Variants in DPYD observed in about 807,000 individuals in gnomAD.
DPYD encodes dihydropyrimidine dehydrogenase [NADP(+)].
Under a neutral mutation model 116.2 loss-of-function variants are expected in DPYD, and 109 were observed. The ratio of observed to expected loss-of-function variants is 0.94; its 90% CI spans 0.80 to 1.10. The LOEUF (loss-of-function observed/expected upper bound fraction) is 1.10. Ranked by LOEUF, DPYD falls within the 50% of genes least tolerant of loss-of-function variation. The probability of loss-of-function intolerance (pLI) is 0.00; values close to 1 mark genes in which losing one functional copy is unlikely to be tolerated. For missense variants in DPYD, 1,302 were observed against 1,254.5 expected (o/e 1.04, Z -0.57); for synonymous variants, 440 against 432.0 (o/e 1.02, Z -0.23).
intron 16 of DPYD, among the ~76,000 whole-genome samples, chr1:97,361,706 T>G (rs575547475): frequency 6.6e-6 from 1 of 152,248 alleles, no homozygotes; most frequent in East Asian, 1.9e-4. Context: ...ACAAAAACCA[T>G]ATGATTATCT....
rs1000949498 is a variant in DPYD, at chr1:97,788,556, C to T, written c.233+39558G>A. Among the ~76,000 whole-genome samples, 12 of 152,142 alleles carry T rather than the reference C, an allele frequency of 7.9e-5. 1 individual carries two copies. Among genetic ancestry groups the T allele is most frequent in the African/African-American group, 2.7e-4 (11 of 41,418 alleles). ...CTACCCACTGAGTCCAGCCAATTGA[C>T]ACAATTGCAAAAAATTATAAGTTGT... is the stretch of plus-strand genomic sequence containing the variant. On this transcript the variant is annotated intron_variant, in intron 3 of 22. Transcript: ENST00000370192.
intron 2 of DPYD, among the ~76,000 whole-genome samples, chr1:97,875,096 A>G (rs1372569836): frequency 6.6e-6 from 1 of 151,964 alleles, no homozygotes; most frequent in Non-Finnish European, 1.5e-5. Flanking sequence ...TATGTTATAC[A>G]TTTGAGTCTT....
chr1:97,398,788 G>C (rs544477143), intron 14 of DPYD, among the ~76,000 whole-genome samples: 121 of 152,052 alleles, frequency 8.0e-4, no homozygotes, highest in Non-Finnish European at 1.5e-3. Flanking sequence ...CTTTTTGATG[G>C]GGTTGTTTGT....
At chr1:97,480,750 G>A (rs948468343) in intron 13 of DPYD, among the ~76,000 whole-genome samples, 1 of 152,190 alleles carries the variant, frequency 6.6e-6, no homozygotes, top group African/African-American at 2.4e-5. Flanking sequence ...GGAGGCCGAG[G>A]CATGCAGATC....
chr1:97,616,797 G>T (rs899211108), intron 8 of DPYD, among the ~76,000 whole-genome samples: 1 of 152,150 alleles, frequency 6.6e-6, no homozygotes, highest in Non-Finnish European at 1.5e-5. Context: ...TGTACAAAAA[G>T]AAAACTTGAA....
chr1:97,178,794 T>C (rs1311063281), intron 20 of DPYD, among the ~76,000 whole-genome samples: 4 of 152,292 alleles, frequency 2.6e-5, no homozygotes, highest in African/African-American at 9.6e-5. Flanking sequence ...AATAGACCCT[T>C]AAATCTTAGT....
chr1:97,326,972 G>A (rs1288804851), intron 16 of DPYD, among the ~76,000 whole-genome samples: 1 of 151,980 alleles, frequency 6.6e-6, no homozygotes, highest in African/African-American at 2.4e-5. Context: ...TAAAGATAAA[G>A]AGATTATAAG....
intron 12 of DPYD, among the ~76,000 whole-genome samples, chr1:97,536,901 C>T (rs1320286238): frequency 1.3e-5 from 2 of 152,170 alleles, no homozygotes; most frequent in African/African-American, 2.4e-5. Flanking sequence ...TGCCTCAAAA[C>T]CTGCAAAGGG....
At chr1:97,721,004 C>T (rs1270514704) in intron 5 of DPYD, 14 of 1,548,646 alleles carry the variant, frequency 9.0e-6, no homozygotes, top group Middle Eastern at 2.2e-4. Context: ...GACCTGCTTC[C>T]AATCTATAAG....
chr1:97,187,807 G>A (rs574153134), intron 20 of DPYD, among the ~76,000 whole-genome samples: 1 of 152,172 alleles, frequency 6.6e-6, no homozygotes, highest in South Asian at 2.1e-4. Context: ...AATCATCCCA[G>A]CACTATTTAT....
rs556610914 is a variant in DPYD, at chr1:97,642,195, C to T, written c.850+36900G>A. On this transcript the variant is annotated intron_variant, in intron 8 of 22. Transcript: ENST00000370192. ...GAGCCCAAAGTTTACAGATTCAGTG[C>T]GATCCTCATCAAGCTACCATTGACT... is the stretch of plus-strand genomic sequence containing the variant. Among the ~76,000 whole-genome samples the T allele has an allele frequency of 7.1e-4, 108 of 151,962 alleles. 1 individual carries two copies. In the South Asian group the frequency reaches 0.011, roughly 16 times the overall value.
At chr1:97,206,646 A>ATGTATGTG (rs10651231) in intron 19 of DPYD, among the ~76,000 whole-genome samples, 1 of 42,032 alleles carries the variant, frequency 2.4e-5, no homozygotes, top group African/African-American at 2.2e-4. Flanking sequence ...TTTTATATAT[A>ATGTATGTG]TATATATATA....
chr1:97,212,136 T>C (rs1299339880), intron 19 of DPYD, among the ~76,000 whole-genome samples: 2 of 152,084 alleles, frequency 1.3e-5, no homozygotes, highest in East Asian at 3.9e-4. Context: ...TTTGTAAATT[T>C]ATAGAGTTGT....
chr1:97,265,734 A>C (rs1020458712), intron 18 of DPYD, among the ~76,000 whole-genome samples: 1 of 152,124 alleles, frequency 6.6e-6, no homozygotes, highest in African/African-American at 2.4e-5. Flanking sequence ...TAATCTTCTT[A>C]TTAAACTTTT....
At chr1:97,689,893 C>A (rs138742031) in intron 7 of DPYD, among the ~76,000 whole-genome samples, 1 of 152,130 alleles carries the variant, frequency 6.6e-6, no homozygotes, top group African/African-American at 2.4e-5. Flanking sequence ...GTTTACAAAG[C>A]AAATTTGAAA....
intron 8 of DPYD, among the ~76,000 whole-genome samples, chr1:97,620,972 TAACA>T (rs1048505414): frequency 2.6e-5 from 4 of 152,170 alleles, no homozygotes; most frequent in African/African-American, 9.6e-5. Flanking sequence ...CTCAGCTATC[TAACA>T]ATCAGCATAT....
At chr1:97,546,682 T>C (rs540151824) in intron 12 of DPYD, 226 of 1,612,886 alleles carry the variant, frequency 1.4e-4, no homozygotes, top group Non-Finnish European at 1.8e-4. Context: ...ATCCATGCCA[T>C]ATCATGTGTG....
At position 97,921,004 on chromosome 1, in the gene DPYD, A is replaced by T; in HGVS notation, c.-82T>A. ...TCCAGCCAGAGAGCCAAGTGACAGC[A>T]GCCGGAGCGCGAGTCGAAAACAGGC... On this transcript the variant is annotated 5_prime_UTR_variant, in exon 1 of 23. Coordinates refer to ENST00000370192, the MANE Select transcript of DPYD (RefSeq NM_000110.4). 1 of 1,528,774 alleles carries T rather than the reference A, an allele frequency of 6.5e-7. No homozygotes were observed. The highest frequency in any genetic ancestry group is 8.9e-7 in the Non-Finnish European group (1 of 1,127,826). 94.7% of individuals were successfully genotyped at this position (1,528,774 alleles called of 1,614,324 possible).
rs144876608 is a variant in DPYD at position 97,277,402 on chromosome 1, AAAAC to A, written c.2299+27853_2299+27856del. On this transcript the variant is annotated intron_variant, in intron 18 of 22. Transcript: ENST00000370192. ...AAAAAAAAGAGAACACAAAAAACACAAAACAAACAAATAAACAAACAAACAAAAT... is the reference window on the plus strand; with the variant it reads ...AAAAAAAAGAGAACACAAAAAACACAAAACAAATAAACAAACAAACAAAAT... 7.4e-3 allele frequency among the ~76,000 whole-genome samples: 1,133 copies of A among 152,168 alleles called. 13 individuals carry two copies. Among genetic ancestry groups the A allele is most frequent in the African/African-American group, 0.026 (1,082 of 41,530 alleles).
Sources: gnomAD v4.1 joint callset for allele counts (sites outside exome capture counted in the v4.1 genomes callset) on GRCh38, gnomAD v4.1.1 for gene constraint, MANE v1.5 for transcripts, NCBI Gene and HGNC (gene_info 2026-07-23, HGNC 2026-07-21) for gene names.